SYNE2: variants seen among roughly 807,000 people sequenced by gnomAD.
SYNE2 encodes the protein nesprin-2.
A neutral mutation model predicts 856.3 loss-of-function variants in SYNE2; 431 were observed. The observed-to-expected ratio is 0.50, with a 90% CI of 0.47 to 0.55. SYNE2 has a LOEUF of 0.55. SYNE2 is among the 20% of genes least tolerant of loss of function. SYNE2 has a pLI of 0.00. For synonymous variants in SYNE2, 2,923 were observed against 2,872.3 expected, an observed-to-expected ratio of 1.02 and a Z score of -0.56; for missense variants, 8,129 against 8,023.2, an observed-to-expected ratio of 1.01 and a Z score of -0.50.
At chr14:63,983,339 CT>C (rs1346579167) in intron 17 of SYNE2, among the ~76,000 whole-genome samples, 1 of 152,142 alleles carries the variant, frequency 6.6e-6, no homozygotes, top group Non-Finnish European at 1.5e-5. Flanking sequence ...GCTTTCAGTT[CT>C]TGAATCTTTC....
chr14:63,786,940 T>G lies in SYNE2; in HGVS notation c.-305+24954T>G, dbSNP rs556825534. Reference sequence around the variant, plus strand: ...ACCATGCCTGTCTAGCTTTTGTATTTTTTGTAGAGACAGGGTTTCGCCATG... The same window carrying G: ...ACCATGCCTGTCTAGCTTTTGTATTGTTTGTAGAGACAGGGTTTCGCCATG... On this transcript the variant is annotated intron_variant, in intron 1 of 23. Transcript: ENST00000674003. Among the ~76,000 whole-genome samples, 3 of 152,234 alleles carry G rather than the reference T, an allele frequency of 2.0e-5. No homozygotes were observed. The South Asian group carries it at 6.2e-4, about 32-fold the overall frequency.
chr14:64,144,951 G>T (rs889004009), intron 83 of SYNE2, among the ~76,000 whole-genome samples: 2 of 133,320 alleles, frequency 1.5e-5, no homozygotes, highest in Admixed American at 8.4e-5. Context: ...TTTTGAGACA[G>T]AGTCTCGCCC....
intron 32 of SYNE2, among the ~76,000 whole-genome samples, chr14:64,014,972 T>TATAC (rs1444478083): frequency 2.4e-5 from 2 of 83,920 alleles, no homozygotes; most frequent in South Asian, 4.4e-4. Flanking sequence ...TATATATATA[T>TATAC]ATACACACAC....
chr14:64,222,366 C>T (rs930532171), intron 112 of SYNE2, among the ~76,000 whole-genome samples: 4 of 152,166 alleles, frequency 2.6e-5, no homozygotes, highest in Admixed American at 6.5e-5. Context: ...TGGCTTAAAG[C>T]ACCTGAAATG....
At position 64,053,227 on chromosome 14, in the gene SYNE2, TAAATG is replaced by T; in HGVS notation, c.9318_9322del (p.Asn3106LysfsTer2). The stretch of plus-strand genomic sequence containing the variant: ...TTATGTGATGAGATAATAAAGAAAT[TAAATG>T]AAAATAAGACCTTTGATGACTCATT... On this transcript the variant is annotated frameshift_variant, in exon 48 of 116. Coordinates refer to ENST00000555002, the MANE Select transcript of SYNE2 (RefSeq NM_182914.3). LOFTEE classifies it high-confidence loss of function. 1 of 1,612,462 alleles carries T rather than the reference TAAATG, an allele frequency of 6.2e-7. No homozygotes were observed. Among genetic ancestry groups the T allele is most frequent in the Non-Finnish European group, 8.5e-7 (1 of 1,179,528 alleles).
chr14:64,180,819 T>G (rs1374677152), intron 96 of SYNE2, among the ~76,000 whole-genome samples: 1 of 152,206 alleles, frequency 6.6e-6, no homozygotes, highest in African/African-American at 2.4e-5. Context: ...TTGTTATAAT[T>G]TTCCTAATCA....
At chr14:63,953,029 G>A (rs553018320) in intron 7 of SYNE2, among the ~76,000 whole-genome samples, 15 of 152,308 alleles carry the variant, frequency 9.8e-5, no homozygotes, top group Middle Eastern at 3.4e-3. Flanking sequence ...TTAAAAATAT[G>A]TGTCTTAAGC....
chr14:63,823,333 C>T (rs1027797348), intron 1 of SYNE2, among the ~76,000 whole-genome samples: 13 of 152,042 alleles, frequency 8.6e-5, no homozygotes, highest in African/African-American at 3.1e-4. Flanking sequence ...CATGCACCAT[C>T]ATGCCTAGCG....
Position 64,081,478 on chromosome 14 carries a change from G to A in SYNE2, c.11382G>A (p.Leu3794=). The change falls in exon 57 of 116, where the codon CTG becomes CTA. Residue 3794 remains leucine (L), a synonymous_variant. Transcript: ENST00000555002. ...TVKMEEYSDL[L]KSTEAWIENT... ...AGATGGAGGAATATAGTGACCTTCT[G>A]AAGAGCACTGAGGCTTGGATAGAAA... is the stretch of plus-strand genomic sequence containing the variant. 1 of 1,614,196 alleles carries A rather than the reference G, an allele frequency of 6.2e-7. No individual in the cohort carries two copies. The highest frequency in any genetic ancestry group is 1.1e-5 in the South Asian group (1 of 91,082).
chr14:63,821,080 C>T (rs1889194591), intron 1 of SYNE2, among the ~76,000 whole-genome samples: 1 of 152,010 alleles, frequency 6.6e-6, no homozygotes, highest in Non-Finnish European at 1.5e-5. Context: ...ATTTTCATTA[C>T]TTGATTGTAC....
At chr14:63,908,718 T>C (rs1335393893) in intron 1 of SYNE2, among the ~76,000 whole-genome samples, 1 of 152,196 alleles carries the variant, frequency 6.6e-6, no homozygotes, top group African/African-American at 2.4e-5. Flanking sequence ...AAGAAAATCC[T>C]TGAAGGTTGA....
chr14:64,053,321 T>C lies in SYNE2; in HGVS notation c.9408T>C (p.Val3136=). 6.2e-7 allele frequency: 1 copy of C among 1,610,658 alleles called. No individual in the cohort carries two copies. Among genetic ancestry groups the C allele is most frequent in the Middle Eastern group, 1.7e-4 (1 of 6,048 alleles). Reference sequence around the variant, plus strand: ...AAGAAAATGATAAGTTATACAAAGTTCTCCAAAACATGGTATTAGAACTCT... The same window carrying C: ...AAGAAAATGATAAGTTATACAAAGTCCTCCAAAACATGGTATTAGAACTCT... ...NAEENDKLYK[V]LQNMVLELSP... Residue 3136 remains valine (V), a synonymous_variant, in exon 48 of 116, where the codon GTT becomes GTC. Coordinates refer to ENST00000555002, the MANE Select transcript of SYNE2 (RefSeq NM_182914.3).
intron 27 of SYNE2, 119 bp downstream of exon 27, chr14:63,999,159 C>G (rs915916837): frequency 9.9e-7 from 1 of 1,006,408 alleles, no homozygotes. Flanking sequence ...CCAAAGAACT[C>G]TCTTTGCTGG....
At chr14:63,786,923 T>C (rs1235168842) in intron 1 of SYNE2, among the ~76,000 whole-genome samples, 2 of 152,024 alleles carry the variant, frequency 1.3e-5, no homozygotes, top group South Asian at 2.1e-4. Flanking sequence ...CCACCATGCC[T>C]GTCTAGCTTT....
At chr14:63,813,608 A>G (rs12890540) in intron 1 of SYNE2, among the ~76,000 whole-genome samples, 96,140 of 151,776 alleles carry the variant, frequency 0.63, 30,891 homozygotes, top group South Asian at 0.77. Flanking sequence ...GCCTGGACAA[A>G]ATGGTGAAAC....
chr14:64,143,796 A>G lies in SYNE2; in HGVS notation c.15331A>G (p.Lys5111Glu). Residue 5111 changes from lysine to glutamate, a missense_variant, in exon 83 of 116, where the codon AAA becomes GAA. Transcript: ENST00000555002. ...HKEFRMEMDY[K>E]QWIVDFVNQS... ...GGAGTTTAGAATGGAAATGGACTAT[A>G]AACAGTGGATAGTTGACTTCGTTAA... 1 of 1,614,172 alleles carries G rather than the reference A, an allele frequency of 6.2e-7. No individual in the cohort carries two copies. Among genetic ancestry groups the G allele is most frequent in the Non-Finnish European group, 8.5e-7 (1 of 1,180,012 alleles).
At chr14:64,182,208 G>A (rs1240562939) in intron 96 of SYNE2, among the ~76,000 whole-genome samples, 2 of 152,088 alleles carry the variant, frequency 1.3e-5, no homozygotes, top group Non-Finnish European at 2.9e-5. Context: ...GCTTTTCGCA[G>A]CCAAACAACT....
intron 10 of SYNE2, among the ~76,000 whole-genome samples, 156 bp from the exon 11 acceptor site, chr14:63,967,553 G>A (rs985792414): frequency 1.3e-5 from 2 of 152,030 alleles, no homozygotes; most frequent in African/African-American, 4.8e-5. Flanking sequence ...CACTGAAGAA[G>A]GAAACCAGAG....
chr14:63,852,928 C>G (rs904622720), upstream of SYNE2: 19 of 152,038 alleles, frequency 1.2e-4, no homozygotes, highest in African/African-American at 4.1e-4. Flanking sequence ...GCGCGGGACC[C>G]GGAGGCGGGC....
Sources: gnomAD v4.1 joint callset for allele counts (sites outside exome capture counted in the v4.1 genomes callset) on GRCh38, gnomAD v4.1.1 for gene constraint, MANE v1.5 for transcripts, NCBI Gene and HGNC (gene_info 2026-07-23, HGNC 2026-07-21) for gene names.